Variants in PLA2G4E observed in about 807,000 individuals in gnomAD.
PLA2G4E encodes the protein phospholipase A2 group IVE, also known as cytosolic phospholipase A2 epsilon.
Under a neutral mutation model 109.1 loss-of-function variants are expected in PLA2G4E, and 84 were observed. That is an observed-to-expected ratio of 0.77 (90% CI 0.65 to 0.92). PLA2G4E has a LOEUF of 0.92. PLA2G4E is among the 40% of genes least tolerant of loss of function. The pLI, the probability that PLA2G4E is intolerant of heterozygous loss-of-function variation, is 0.00. For synonymous variants in PLA2G4E, 469 were observed against 436.1 expected (o/e 1.08, Z -0.94); for missense variants, 1,057 against 1,076.6 (o/e 0.98, Z 0.25).
chr15:42,016,846 C>T (rs1398769516), intron 1 of PLA2G4E, among the ~76,000 whole-genome samples: 1 of 152,252 alleles, frequency 6.6e-6, no homozygotes, highest in Non-Finnish European at 1.5e-5. Flanking sequence ...CTTGCTCTAA[C>T]AGCATTCTGT....
intron 3 of PLA2G4E, among the ~76,000 whole-genome samples, chr15:42,006,737 T>C (rs953328895): frequency 3.5e-4 from 53 of 152,162 alleles, no homozygotes; most frequent in African/African-American, 1.2e-3. Flanking sequence ...TGGACTAATC[T>C]CTGAGGCCTC....
At chr15:42,000,349 C>CAAAAAAAAAA in intron 7 of PLA2G4E, 67 bp from the exon 8 acceptor site, 4 of 1,425,980 alleles carry the variant, frequency 2.8e-6, no homozygotes, top group Admixed American at 4.6e-5. Flanking sequence ...CTTGGTCCAG[C>CAAAAAAAAAA]AAAAAACCTA....
At chr15:42,014,184 G>A (rs1566844732) in intron 1 of PLA2G4E, among the ~76,000 whole-genome samples, 1 of 152,034 alleles carries the variant, frequency 6.6e-6, no homozygotes, top group Non-Finnish European at 1.5e-5. Flanking sequence ...GAGCCACCAC[G>A]CCTGGCTCCC....
At chr15:42,042,346 G>C (rs1236597648) in intron 1 of PLA2G4E, among the ~76,000 whole-genome samples, 1 of 151,892 alleles carries the variant, frequency 6.6e-6, no homozygotes, top group Non-Finnish European at 1.5e-5. Flanking sequence ...GGTTCAGGAA[G>C]TTATTTCTGG....
intron 1 of PLA2G4E, among the ~76,000 whole-genome samples, chr15:42,038,544 A>G (rs1889258368): frequency 6.6e-6 from 1 of 152,232 alleles, no homozygotes; most frequent in Non-Finnish European, 1.5e-5. Context: ...TTGCACTCCT[A>G]TGAGGATCTA....
At chr15:42,041,131 T>A (rs561283708) in intron 1 of PLA2G4E, among the ~76,000 whole-genome samples, 4 of 152,190 alleles carry the variant, frequency 2.6e-5, no homozygotes, top group African/African-American at 9.7e-5. Context: ...ATCTTATGAA[T>A]ATGCAAACCT....
chr15:41,984,732 A>G, intron 18 of PLA2G4E, 113 bp from the exon 19 acceptor site: 1 of 1,024,702 alleles, frequency 9.8e-7, no homozygotes. Flanking sequence ...TCAGCTCCCC[A>G]ACTGCTTTGC....
At chr15:42,049,490 T>C (rs961973992) in intron 1 of PLA2G4E, among the ~76,000 whole-genome samples, 5 of 152,180 alleles carry the variant, frequency 3.3e-5, no homozygotes, top group African/African-American at 1.2e-4. Context: ...GTATGGAGGA[T>C]GGTCCCCCAA....
chr15:41,989,393 C>T (rs770677927), intron 15 of PLA2G4E, 22 bp downstream of exon 15: 6 of 1,613,400 alleles, frequency 3.7e-6, no homozygotes, highest in South Asian at 2.2e-5. Flanking sequence ...CCCTGTCATT[C>T]CGCCAGTTGC....
chr15:41,990,226 A>G, exon 14 of PLA2G4E: 1 of 1,613,592 alleles, frequency 6.2e-7, no homozygotes, highest in Non-Finnish European at 8.5e-7. Flanking sequence ...GACAGTTTGC[A>G]TTCATTTCTC....
intron 1 of PLA2G4E, among the ~76,000 whole-genome samples, chr15:42,037,018 G>A (rs1889229337): frequency 6.6e-6 from 1 of 152,246 alleles, no homozygotes. Flanking sequence ...GGGCAGTGCT[G>A]GTATGCCAGC....
At chr15:42,010,134 C>CCCCCCCCCCCCCCCCCCCCCCCCT in intron 2 of PLA2G4E, 1 of 464,268 alleles carries the variant, frequency 2.2e-6, no homozygotes, top group Non-Finnish European at 4.3e-6. Context: ...GAACACTGGC[C>CCCCCCCCCCCCCCCCCCCCCCCCT]CCCCCACCCC....
In PLA2G4E at chr15:42,010,142, C is replaced by CCCCG. The variant is rs139522193; in HGVS notation, c.257-2278_257-2277insCGGG. 3.2e-3 allele frequency: 1,471 copies of CCCCG among 457,358 alleles called. 63 individuals carry two copies. Among genetic ancestry groups the CCCCG allele is most frequent in the South Asian group, 9.4e-3 (489 of 52,208 alleles). The allele number at this position is 457,358 out of a possible 1,614,324, so 28.3% of individuals were successfully genotyped here. A position where few individuals can be genotyped will look rare whatever the true frequency, so the allele number is the denominator to read the frequency against. On this transcript the variant is annotated intron_variant, in intron 2 of 19. Transcript: ENST00000399518. ...TTTTCCAGAACACTGGCCCCCCCACCCCGGGCCTGGACCACACCCTTCAGG... is the reference window on the plus strand; with the variant it reads ...TTTTCCAGAACACTGGCCCCCCCACCCCCGCCGGGCCTGGACCACACCCTTCAGG...
intron 15 of PLA2G4E, 72 bp from the exon 16 acceptor site, chr15:41,988,228 C>A: frequency 1.8e-6 from 2 of 1,090,460 alleles, no homozygotes; most frequent in Non-Finnish European, 2.6e-6. Flanking sequence ...TGATTCCCCA[C>A]TCCCCCCACC....
At position 41,992,974 on chromosome 15, in the gene PLA2G4E, G is replaced by A. The variant is rs779457663; in HGVS notation, c.1248-15C>T. The A allele has an allele frequency of 1.3e-6, 2 of 1,599,704 alleles. No individual in the cohort carries two copies. Among genetic ancestry groups the A allele is most frequent in the East Asian group, 2.3e-5 (1 of 44,392 alleles). On this transcript the variant is annotated splice_polypyrimidine_tract_variant and intron_variant, in intron 12 of 19. Transcript: ENST00000399518. ...TAGCCATGGTCCTGGAAAGAGACAG[G>A]CACAGCTGATAGGGCTGACCCGGCC...
intron 1 of PLA2G4E, among the ~76,000 whole-genome samples, chr15:42,049,880 G>A (rs556028405): frequency 5.3e-5 from 8 of 152,228 alleles, no homozygotes; most frequent in African/African-American, 1.9e-4. Context: ...AACTGCACGA[G>A]GCAGACCTGG....
chr15:41,999,147 T>C (rs2068385501), intron 10 of PLA2G4E: 1 of 159,346 alleles, frequency 6.3e-6, no homozygotes, highest in African/African-American at 2.4e-5. Flanking sequence ...AAAGCACAAG[T>C]GACAAGATAA....
intron 19 of PLA2G4E, among the ~76,000 whole-genome samples, chr15:41,984,208 C>T (rs2068103373): frequency 6.6e-6 from 1 of 152,206 alleles, no homozygotes; most frequent in South Asian, 2.1e-4. Context: ...GTACTGGGCA[C>T]ATGGCTGAAT....
At chr15:41,994,623 C>T (rs2068308222) in intron 12 of PLA2G4E, among the ~76,000 whole-genome samples, 1 of 152,172 alleles carries the variant, frequency 6.6e-6, no homozygotes, top group Non-Finnish European at 1.5e-5. Flanking sequence ...CTCTGCCTCC[C>T]AAAGTGCTGG....
Sources: allele counts gnomAD v4.1 joint callset (sites outside exome capture counted in the v4.1 genomes callset), GRCh38; gene constraint gnomAD v4.1.1; transcripts MANE v1.5; gene names NCBI Gene and HGNC (gene_info 2026-07-23, HGNC 2026-07-21).